The following HMGN1 variants were observed in gnomAD, a reference collection of about 807,000 sequenced individuals.
HMGN1 encodes high mobility group nucleosome binding domain 1, also known as non-histone chromosomal protein HMG-14.
In HMGN1, 9 loss-of-function variants were observed where a neutral mutation model predicts 18.4. That is an observed-to-expected ratio of 0.49 (90% CI 0.29 to 0.85). The LOEUF (loss-of-function observed/expected upper bound fraction) is 0.85. Among genes scored for constraint, HMGN1 ranks in the 40% least tolerant of loss-of-function variants. HMGN1 has a pLI of 0.07. For synonymous variants in HMGN1, 59 were observed against 45.0 expected (o/e 1.31, Z -1.24); for missense variants, 151 against 119.2 (o/e 1.27, Z -1.24).
chr21:39,346,118 C>T (rs2037044766), intron 4 of HMGN1: 1 of 409,696 alleles, frequency 2.4e-6, no homozygotes, highest in African/African-American at 2.1e-5. Context: ...ACAGCAGCAG[C>T]TAAATTAGTT....
At chr21:39,346,135 C>A (rs2037045171) in intron 4 of HMGN1, 3 of 381,492 alleles carry the variant, frequency 7.9e-6, no homozygotes, top group South Asian at 6.2e-5. Flanking sequence ...AGTTTAGCCC[C>A]CAGCGGGTGG....
rs867623959 is a variant in HMGN1, at chr21:39,349,054, T to G, written c.-137A>C. On this transcript the variant is annotated 5_prime_UTR_variant, in exon 1 of 6. Transcript: ENST00000380749. ...CCACTCCTCCCGCCGCCCGAGCTGC[T>G]GAGACCCACAGCGGGGGCGGTGGGA... 1 of 992,634 alleles carries G rather than the reference T, an allele frequency of 1.0e-6. No homozygotes were observed. Among genetic ancestry groups the G allele is most frequent in the Non-Finnish European group, 1.3e-6 (1 of 786,258 alleles). 61.5% of individuals were successfully genotyped at this position (992,634 alleles called of 1,614,324 possible).
At chr21:39,345,993 C>A in intron 4 of HMGN1, 1 of 1,267,044 alleles carries the variant, frequency 7.9e-7, no homozygotes, top group Non-Finnish European at 1.0e-6. Context: ...ACCATACTAA[C>A]TTGATACATT....
Position 39,345,253 on chromosome 21 carries a change from C to T in HMGN1, c.148G>A (p.Val50Met). 6.2e-7 allele frequency: 1 copy of T among 1,613,330 alleles called. No individual in the cohort carries two copies. Among genetic ancestry groups the T allele is most frequent in the Non-Finnish European group, 8.5e-7 (1 of 1,179,498 alleles). The change falls in exon 5 of 6, where the codon GTG (valine) becomes ATG (methionine). Residue 50 changes from valine (V) to methionine (M), a missense_variant. By Grantham distance (21) the Val-to-Met change is conservative. Coordinates refer to ENST00000380749, the MANE Select transcript of HMGN1 (RefSeq NM_004965.7). ...GCTCCCCTTTTCCCTTTTGTTTGCA[C>T]TTTTTTGTCTGAAGATTTATCCTAT... ...AAKDKSSDKK[V>M]QTKGKRGAKG...
chr21:39,344,797 A>T (rs1402521070), intron 5 of HMGN1, among the ~76,000 whole-genome samples: 2 of 152,218 alleles, frequency 1.3e-5, no homozygotes, highest in Non-Finnish European at 2.9e-5. Context: ...TTTCATTAGA[A>T]ATGAAAGTGG....
At chr21:39,348,009 A>G in intron 4 of HMGN1, 2 of 1,193,818 alleles carry the variant, frequency 1.7e-6, no homozygotes, top group Non-Finnish European at 2.2e-6. Flanking sequence ...CACCAGCCAC[A>G]ATGTACGCAA....
At chr21:39,345,547 G>T in intron 4 of HMGN1, 1 of 508,278 alleles carries the variant, frequency 2.0e-6, no homozygotes, top group Non-Finnish European at 3.5e-6. Context: ...GACAACTTAA[G>T]GTCCCCCCCA....
chr21:39,345,390 G>A (rs560207681), intron 4 of HMGN1, 116 bp from the exon 5 acceptor site: 14 of 997,382 alleles, frequency 1.4e-5, no homozygotes, highest in Non-Finnish European at 2.0e-5. Flanking sequence ...TGACTTCATA[G>A]TAAGGTTTGA....
At chr21:39,346,065 T>A in intron 4 of HMGN1, 1 of 587,948 alleles carries the variant, frequency 1.7e-6, no homozygotes, top group Non-Finnish European at 2.8e-6. Context: ...CATCCATCAA[T>A]ACTGAGAAGA....
rs1244344819 is a variant in HMGN1, at chr21:39,342,342, TGAGG to T, written c.*766_*769del. The T allele has an allele frequency of 6.5e-6, 1 of 153,706 alleles. No homozygotes were observed. The highest frequency in any genetic ancestry group is 1.5e-5 in the Non-Finnish European group (1 of 68,766). 9.5% of individuals were successfully genotyped at this position (153,706 alleles called of 1,614,324 possible). A position where few individuals can be genotyped will look rare whatever the true frequency, so the allele number is the denominator to read the frequency against. Reference sequence around the variant, plus strand: ...TTTTCATAACTGAGATTTTATTGGTTGAGGATCAGTACAGACATTTCAATTTGTA... The same window carrying T: ...TTTTCATAACTGAGATTTTATTGGTTATCAGTACAGACATTTCAATTTGTA... On this transcript the variant is annotated 3_prime_UTR_variant, in exon 6 of 6. Coordinates refer to ENST00000380749, the MANE Select transcript of HMGN1 (RefSeq NM_004965.7).
intron 5 of HMGN1, among the ~76,000 whole-genome samples, chr21:39,344,921 G>A (rs1177005259): frequency 6.6e-6 from 1 of 152,102 alleles, no homozygotes; most frequent in Admixed American, 6.5e-5. Context: ...CTGAAATTGA[G>A]CATATTAAAA....
intron 4 of HMGN1, chr21:39,346,133 C>T: frequency 2.6e-6 from 1 of 383,528 alleles, no homozygotes. Context: ...TTAGTTTAGC[C>T]CCCAGCGGGT....
In HMGN1 at chr21:39,345,548, G is replaced by GT. The variant is rs1329310458; in HGVS notation, c.127-275dup. 3.2e-5 allele frequency: 16 copies of GT among 505,248 alleles called. No homozygotes were observed. The East Asian group carries it at 6.1e-4, about 19-fold the overall frequency. The allele number at this position is 505,248 out of a possible 1,614,324, so 31.3% of individuals were successfully genotyped here. A position where few individuals can be genotyped will look rare whatever the true frequency, so the allele number is the denominator to read the frequency against. On this transcript the variant is annotated intron_variant, in intron 4 of 5. Coordinates refer to ENST00000380749, the MANE Select transcript of HMGN1 (RefSeq NM_004965.7). ...CACCTATTACATGAGACAACTTAAG[G>GT]TCCCCCCCAGTAATCAGGAAAACAA...
In HMGN1 at chr21:39,348,994, G is replaced by T; in HGVS notation, c.-77C>A. The T allele has an allele frequency of 1.7e-6, 2 of 1,196,732 alleles. No homozygotes were observed. The highest frequency in any genetic ancestry group is 4.1e-5 in the South Asian group (1 of 24,106). 74.1% of individuals were successfully genotyped at this position (1,196,732 alleles called of 1,614,324 possible). On this transcript the variant is annotated 5_prime_UTR_variant, in exon 1 of 6. Coordinates refer to ENST00000380749, the MANE Select transcript of HMGN1 (RefSeq NM_004965.7). The stretch of plus-strand genomic sequence containing the variant: ...GGGTGCCTGCGGGCCGCGGCGCGCC[G>T]ACAGCCTTCGCGAAACTGGGCTGCC...
chr21:39,347,078 AC>A lies in HMGN1; in HGVS notation c.126+1213del, dbSNP rs2037081871. The A allele has an allele frequency of 5.8e-5, 9 of 154,826 alleles. No homozygotes were observed. In the South Asian group the frequency reaches 1.1e-3, roughly 19 times the overall value. The allele number at this position is 154,826 out of a possible 1,614,324, so 9.6% of individuals were successfully genotyped here. ...TTAAAACACACACACACACACACAC[AC>A]AATAAAAAAAGATAGGTAATAATAT... On this transcript the variant is annotated intron_variant, in intron 4 of 5. Coordinates refer to ENST00000380749, the MANE Select transcript of HMGN1 (RefSeq NM_004965.7).
intron 5 of HMGN1, 82 bp from the exon 6 acceptor site, chr21:39,343,241 A>C (rs2070866): frequency 0.12 from 162,626 of 1,361,846 alleles, 10,073 homozygotes; most frequent in Admixed American, 0.14. Context: ...TCTTTAAAAA[A>C]GTCAATAACC....
chr21:39,345,735 CTCG>C (rs2037028303), intron 4 of HMGN1: 1 of 844,464 alleles, frequency 1.2e-6, no homozygotes, highest in African/African-American at 1.7e-5. Context: ...CCGGAGGAGT[CTCG>C]TCGACCGTAT....
chr21:39,344,826 A>T (rs1405998402), intron 5 of HMGN1, among the ~76,000 whole-genome samples: 1 of 152,212 alleles, frequency 6.6e-6, no homozygotes, highest in Non-Finnish European at 1.5e-5. Context: ...TGCCAGGAAA[A>T]ATGCAAGTAA....
In HMGN1 at chr21:39,348,284, A is replaced by C; in HGVS notation, c.126+8T>G. 1 of 1,614,040 alleles carries C rather than the reference A, an allele frequency of 6.2e-7. No homozygotes were observed. The highest frequency in any genetic ancestry group is 8.5e-7 in the Non-Finnish European group (1 of 1,179,928). On this transcript the variant is annotated splice_region_variant and intron_variant, in intron 4 of 5. Coordinates refer to ENST00000380749, the MANE Select transcript of HMGN1 (RefSeq NM_004965.7). ...CCGCTGCATCCCAATGCGCGTTTCGAGGCTTACCTTCGCTGCTGCCTTTTT... is the reference window on the plus strand; with the variant it reads ...CCGCTGCATCCCAATGCGCGTTTCGCGGCTTACCTTCGCTGCTGCCTTTTT...
Sources: gnomAD v4.1 joint callset for allele counts (sites outside exome capture counted in the v4.1 genomes callset) on GRCh38, gnomAD v4.1.1 for gene constraint, MANE v1.5 for transcripts, NCBI Gene and HGNC (gene_info 2026-07-23, HGNC 2026-07-21) for gene names.